Variants in CDC5L observed in about 807,000 individuals in gnomAD.
CDC5L encodes cell division cycle 5-like protein.
Under a neutral mutation model 104.1 loss-of-function variants are expected in CDC5L, and 18 were observed. That is an observed-to-expected ratio of 0.17 (90% CI 0.12 to 0.26). The LOEUF is 0.26. CDC5L is among the 10% of genes least tolerant of loss of function. The probability of loss-of-function intolerance (pLI) is 1.00; values close to 1 mark genes in which losing one functional copy is unlikely to be tolerated. For missense variants in CDC5L, 673 were observed against 956.9 expected (o/e 0.70, Z 3.91); for synonymous variants, 331 against 322.7 (o/e 1.03, Z -0.28).
In CDC5L at chr6:44,422,684, A is replaced by G. The variant is rs762122155; in HGVS notation, c.1279A>G (p.Ser427Gly). Reference protein sequence around the residue: ...SNGAEGLTPRSGTTPKPVINS... With the variant: ...SNGAEGLTPRGGTTPKPVINS... ...TGGAGCTGAAGGGCTGACTCCCCGG[A>G]GTGGAACAACTCCCAAACCAGTTAT... The change falls in exon 10 of 16, where the codon AGT becomes GGT. Residue 427 changes from serine to glycine, a missense_variant. Physicochemically the swap from Ser to Gly is moderately conservative, Grantham distance 56 (BLOSUM62 0). Around this residue, in one of 4 missense-constraint regions of CDC5L, gnomAD observed 578 missense variants for 737.0 expected, o/e 0.78. Coordinates refer to ENST00000371477, the MANE Select transcript of CDC5L (RefSeq NM_001253.4). 2 of 1,613,144 alleles carry G rather than the reference A, an allele frequency of 1.2e-6. No individual in the cohort carries two copies. The highest frequency in any genetic ancestry group is 2.2e-5 in the East Asian group (1 of 44,814).
intron 5 of CDC5L, among the ~76,000 whole-genome samples, chr6:44,397,797 A>G (rs1462586348): frequency 6.6e-6 from 1 of 152,248 alleles, no homozygotes. Flanking sequence ...AAACGAATAT[A>G]TATTACACAT....
At chr6:44,437,069 C>T (rs929473725) in intron 14 of CDC5L, among the ~76,000 whole-genome samples, 7 of 152,214 alleles carry the variant, frequency 4.6e-5, no homozygotes, top group African/African-American at 1.4e-4. Flanking sequence ...AGAAATCTGA[C>T]TGGTTAAATC....
chr6:44,417,069 T>G (rs575213740), intron 8 of CDC5L, among the ~76,000 whole-genome samples: 1 of 152,356 alleles, frequency 6.6e-6, no homozygotes, highest in African/African-American at 2.4e-5. Context: ...TTACTATGCT[T>G]ATGACTTCTG....
At chr6:44,400,242 A>G (rs1221186142) in intron 5 of CDC5L, among the ~76,000 whole-genome samples, 2 of 152,178 alleles carry the variant, frequency 1.3e-5, no homozygotes, top group Non-Finnish European at 2.9e-5. Flanking sequence ...TTTTTCTAGC[A>G]TATGGGTCAT....
chr6:44,441,893 G>A (rs1793206500), intron 14 of CDC5L, among the ~76,000 whole-genome samples: 1 of 149,452 alleles, frequency 6.7e-6, no homozygotes, highest in South Asian at 2.1e-4. Flanking sequence ...GGGAGTGGTG[G>A]CTCACACCTG....
chr6:44,414,304 C>G (rs1324274920), intron 8 of CDC5L, among the ~76,000 whole-genome samples: 1 of 151,300 alleles, frequency 6.6e-6, no homozygotes, highest in African/African-American at 2.4e-5. Flanking sequence ...TCTTGAAGAC[C>G]TGGGTTCAAG....
In CDC5L at chr6:44,403,801, C is replaced by G; in HGVS notation, c.540-8C>G. On this transcript the variant is annotated splice_region_variant and splice_polypyrimidine_tract_variant and intron_variant, in intron 5 of 15. Transcript: ENST00000371477. ...ATGATTTTCAAAGTGATTTTGCATT[C>G]TTTTCAGACGTCTTGCTGCCCTCCA... 1.3e-6 allele frequency: 2 copies of G among 1,589,052 alleles called. No individual in the cohort carries two copies. The highest frequency in any genetic ancestry group is 2.7e-5 in the African/African-American group (2 of 73,400).
At chr6:44,391,535 A>G (rs943919688) in intron 2 of CDC5L, among the ~76,000 whole-genome samples, 29 of 152,252 alleles carry the variant, frequency 1.9e-4, no homozygotes, top group African/African-American at 7.0e-4. Flanking sequence ...GGCGTGAGCC[A>G]CCGCGCCCGG....
rs546441966 is a variant in CDC5L at position 44,447,828 on chromosome 6, A to G, written c.*1117A>G. On this transcript the variant is annotated 3_prime_UTR_variant, in exon 16 of 16. Transcript: ENST00000371477. ...GTGTCAGACACTTAAGTGTTGGGAG[A>G]TAAGCAGTTATTAAGACAGAGTTCT... is the stretch of plus-strand genomic sequence containing the variant. 1 of 152,302 alleles carries G rather than the reference A, an allele frequency of 6.6e-6. No homozygotes were observed. Among genetic ancestry groups the G allele is most frequent in the Non-Finnish European group, 1.5e-5 (1 of 68,032 alleles). The allele number at this position is 152,302 out of a possible 1,614,324, so 9.4% of individuals were successfully genotyped here. A position where few individuals can be genotyped will look rare whatever the true frequency, so the allele number is the denominator to read the frequency against.
At chr6:44,437,970 G>A (rs1793010535) in intron 14 of CDC5L, among the ~76,000 whole-genome samples, 1 of 152,074 alleles carries the variant, frequency 6.6e-6, no homozygotes, top group Admixed American at 6.5e-5. Flanking sequence ...CTTTTTTGGA[G>A]ACAGGGTCTT....
At chr6:44,399,069 T>C (rs1790999589) in intron 5 of CDC5L, among the ~76,000 whole-genome samples, 1 of 152,256 alleles carries the variant, frequency 6.6e-6, no homozygotes, top group South Asian at 2.1e-4. Context: ...TCCTCTGCCT[T>C]AGCCCCCTGA....
intron 5 of CDC5L, 27 bp from the exon 6 acceptor site, chr6:44,403,782 T>C (rs1421163231): frequency 2.6e-6 from 4 of 1,521,816 alleles, no homozygotes; most frequent in African/African-American, 1.4e-5. Flanking sequence ...GCATATGATT[T>C]TCAAAGTGAT....
At chr6:44,440,332 C>G (rs943084917) in intron 14 of CDC5L, among the ~76,000 whole-genome samples, 3 of 151,410 alleles carry the variant, frequency 2.0e-5, no homozygotes, top group African/African-American at 7.3e-5. Context: ...ACCTCCGCCT[C>G]CTGGGTGTAA....
chr6:44,436,093 T>C (rs1287320361), intron 14 of CDC5L, among the ~76,000 whole-genome samples: 1 of 152,164 alleles, frequency 6.6e-6, no homozygotes, highest in African/African-American at 2.4e-5. Flanking sequence ...ATTGTTTTTA[T>C]TTGATGGAAG....
intron 9 of CDC5L, among the ~76,000 whole-genome samples, chr6:44,420,483 C>T (rs1288210794): frequency 4.6e-5 from 7 of 152,058 alleles, no homozygotes; most frequent in Middle Eastern, 3.4e-3. Flanking sequence ...CTTGGCCTCC[C>T]GAGTAGCTGG....
At chr6:44,419,627 G>T in intron 9 of CDC5L, 30 bp downstream of exon 9, 1 of 1,557,452 alleles carries the variant, frequency 6.4e-7, no homozygotes, top group South Asian at 1.1e-5. Context: ...TTTTATTTTA[G>T]AAAAACTTGA....
At chr6:44,406,542 G>T in intron 7 of CDC5L, 75 bp downstream of exon 7, 1 of 1,316,206 alleles carries the variant, frequency 7.6e-7, no homozygotes, top group Admixed American at 2.0e-5. Flanking sequence ...ATGTTTGAAG[G>T]CCTGTGTACC....
intron 14 of CDC5L, among the ~76,000 whole-genome samples, chr6:44,444,582 C>T (rs1485607506): frequency 6.6e-6 from 1 of 152,098 alleles, no homozygotes; most frequent in Non-Finnish European, 1.5e-5. Flanking sequence ...GCCAGGCTGT[C>T]AAGTAGCGAC....
chr6:44,400,031 G>T (rs1366177622), intron 5 of CDC5L, among the ~76,000 whole-genome samples: 1 of 151,492 alleles, frequency 6.6e-6, no homozygotes, highest in Non-Finnish European at 1.5e-5. Context: ...GATAAGCTTT[G>T]TGCTTTTGAA....
Sources: gnomAD v4.1 joint callset for allele counts (sites outside exome capture counted in the v4.1 genomes callset) on GRCh38, gnomAD v4.1.1 for gene constraint, gnomAD v4.1.1 regional missense constraint, MANE v1.5 for transcripts, NCBI Gene and HGNC (gene_info 2026-07-23, HGNC 2026-07-21) for gene names.